R3HDM1: variants seen among roughly 807,000 people sequenced by gnomAD.
The protein encoded by R3HDM1 is R3H domain containing 1.
A neutral mutation model predicts 141.1 loss-of-function variants in R3HDM1; 46 were observed. The ratio of observed to expected loss-of-function variants is 0.33; its 90% CI spans 0.26 to 0.42. The LOEUF (loss-of-function observed/expected upper bound fraction) is 0.42, where lower values mean the gene tolerates loss of function less well. Among genes scored for constraint, R3HDM1 ranks in the 10% least tolerant of loss-of-function variants. The pLI is 1.00. For synonymous variants in R3HDM1, 435 were observed against 472.9 expected, an observed-to-expected ratio of 0.92 and a Z score of 1.04; for missense variants, 1,184 against 1,368.3, an observed-to-expected ratio of 0.87 and a Z score of 2.12.
At chr2:135,535,796 T>C (rs990354866) in intron 1 of R3HDM1, among the ~76,000 whole-genome samples, 4 of 152,170 alleles carry the variant, frequency 2.6e-5, no homozygotes, top group Non-Finnish European at 5.9e-5. Context: ...AACATGACTG[T>C]ATATCATTTC....
At chr2:135,601,215 G>A (rs1025666915) in intron 1 of R3HDM1, among the ~76,000 whole-genome samples, 2 of 152,244 alleles carry the variant, frequency 1.3e-5, no homozygotes, top group Admixed American at 6.5e-5. Context: ...TGATGTAGTG[G>A]CTGGAGAATC....
intron 1 of R3HDM1, among the ~76,000 whole-genome samples, chr2:135,592,598 A>G (rs1337126868): frequency 1.3e-5 from 2 of 152,176 alleles, no homozygotes; most frequent in African/African-American, 4.8e-5. Context: ...CATGCCTGTT[A>G]TCTTAAGCTC....
chr2:135,607,362 A>G, intron 3 of R3HDM1: 1 of 979,916 alleles, frequency 1.0e-6, no homozygotes, highest in Non-Finnish European at 1.2e-6. Context: ...TATGTACCAG[A>G]CACCAGGTTA....
intron 1 of R3HDM1, chr2:135,561,234 C>G (rs781764014): frequency 7.9e-5 from 72 of 909,360 alleles, no homozygotes; most frequent in Non-Finnish European, 9.2e-5. Context: ...TGATGGACAA[C>G]TTTGTAACAA....
At chr2:135,625,965 C>T (rs992820383) in intron 7 of R3HDM1, among the ~76,000 whole-genome samples, 7 of 152,160 alleles carry the variant, frequency 4.6e-5, no homozygotes, top group Non-Finnish European at 8.8e-5. Flanking sequence ...TGATCTGCTC[C>T]AGCAAACTAG....
intron 19 of R3HDM1, among the ~76,000 whole-genome samples, chr2:135,663,450 A>AACTTG (rs1308908946): frequency 8.1e-4 from 124 of 152,352 alleles, no homozygotes; most frequent in African/African-American, 2.7e-3. Flanking sequence ...TTTATATAGT[A>AACTTG]TCCTCTTAAC....
chr2:135,611,928 G>A (rs1487077227), intron 3 of R3HDM1, among the ~76,000 whole-genome samples: 2 of 152,094 alleles, frequency 1.3e-5, no homozygotes, highest in Non-Finnish European at 2.9e-5. Flanking sequence ...ATCACCAGTG[G>A]GATGGGATGA....
intron 18 of R3HDM1, among the ~76,000 whole-genome samples, chr2:135,659,049 C>CTGTGTGTGTGTG (rs548436817): frequency 0.027 from 3,359 of 126,386 alleles, 90 homozygotes; most frequent in East Asian, 0.12. Context: ...CTACCTGAGT[C>CTGTGTGTGTGTG]TGTGTGTGTG....
intron 21 of R3HDM1, among the ~76,000 whole-genome samples, chr2:135,691,068 C>T (rs960221210): frequency 6.6e-6 from 1 of 152,148 alleles, no homozygotes; most frequent in Non-Finnish European, 1.5e-5. Flanking sequence ...TTAAAACAGT[C>T]TTTCCTCTAT....
intron 21 of R3HDM1, among the ~76,000 whole-genome samples, chr2:135,704,489 T>G (rs1340296505): frequency 3.3e-5 from 5 of 151,992 alleles, no homozygotes; most frequent in Non-Finnish European, 7.4e-5. Flanking sequence ...TTTTTTTTTT[T>G]TTTGAGACAG....
chr2:135,718,577 G>A (rs913867981), intron 24 of R3HDM1, among the ~76,000 whole-genome samples: 37 of 151,990 alleles, frequency 2.4e-4, no homozygotes, highest in African/African-American at 8.5e-4. Flanking sequence ...TAACCTCCCC[G>A]GGCTCAGATG....
intron 20 of R3HDM1, among the ~76,000 whole-genome samples, chr2:135,678,832 C>T (rs1268488651): frequency 7.2e-6 from 1 of 139,090 alleles, no homozygotes; most frequent in African/African-American, 2.7e-5. Flanking sequence ...TCATTCTCAA[C>T]TCACTGCAAC....
intron 16 of R3HDM1, among the ~76,000 whole-genome samples, chr2:135,646,783 C>T (rs1204052328): frequency 2.7e-5 from 4 of 148,140 alleles, no homozygotes; most frequent in Middle Eastern, 3.3e-3. Flanking sequence ...CGGGAGGTTG[C>T]AGTGAGCCGA....
intron 14 of R3HDM1, among the ~76,000 whole-genome samples, chr2:135,640,729 T>G (rs924941880): frequency 2.6e-5 from 4 of 152,192 alleles, no homozygotes; most frequent in African/African-American, 9.7e-5. Flanking sequence ...CAAAACCTAA[T>G]TAACTATATA....
chr2:135,648,249 T>G (rs1259477397), intron 16 of R3HDM1, among the ~76,000 whole-genome samples: 1 of 152,198 alleles, frequency 6.6e-6, no homozygotes. Context: ...TTTAATGCTT[T>G]AATTATAGAT....
intron 1 of R3HDM1, among the ~76,000 whole-genome samples, chr2:135,568,261 T>G (rs1227985160): frequency 6.6e-6 from 1 of 152,082 alleles, no homozygotes; most frequent in Admixed American, 6.5e-5. Flanking sequence ...TTGCCCAGGC[T>G]GGTCTCAAAC....
chr2:135,697,125 C>T (rs1309821516), intron 21 of R3HDM1, among the ~76,000 whole-genome samples: 1 of 152,112 alleles, frequency 6.6e-6, no homozygotes, highest in Non-Finnish European at 1.5e-5. Flanking sequence ...CATAGTGAAG[C>T]CCCACCTTTA....
In R3HDM1 at chr2:135,642,907, C is replaced by T. The variant is rs145287609; in HGVS notation, c.1474+1117C>T. Among the ~76,000 whole-genome samples, 10 of 152,120 alleles carry T rather than the reference C, an allele frequency of 6.6e-5. No homozygotes were observed. The East Asian group carries it at 1.5e-3, about 23-fold the overall frequency. On this transcript the variant is annotated intron_variant, in intron 15 of 26. Transcript: ENST00000683871. The stretch of plus-strand genomic sequence containing the variant: ...AAATTCAATTTTTGCTTAGTAATTA[C>T]CTTCTTATTCTTCAGGTTATTATGT...
At chr2:135,654,801 A>G (rs1055162805) in intron 18 of R3HDM1, among the ~76,000 whole-genome samples, 3 of 151,882 alleles carry the variant, frequency 2.0e-5, no homozygotes, top group Admixed American at 2.0e-4. Flanking sequence ...TGTTTTGAAT[A>G]TGTAGGTACA....
Sources: gnomAD v4.1 joint callset for allele counts (sites outside exome capture counted in the v4.1 genomes callset) on GRCh38, gnomAD v4.1.1 for gene constraint, MANE v1.5 for transcripts, NCBI Gene and HGNC (gene_info 2026-07-23, HGNC 2026-07-21) for gene names.